The following OXR1 variants were observed in gnomAD, a reference collection of about 807,000 sequenced individuals.
OXR1 encodes the protein oxidation resistance 1.
In OXR1, 41 loss-of-function variants were observed where a neutral mutation model predicts 104.6. The observed-to-expected ratio is 0.39, with a 90% CI of 0.31 to 0.51. The LOEUF is 0.51. Among genes scored for constraint, OXR1 ranks in the 20% least tolerant of loss-of-function variants. OXR1 has a pLI of 0.77. For missense variants in OXR1, 955 were observed against 1,031.9 expected (o/e 0.93, Z 1.02); for synonymous variants, 348 against 348.4 (o/e 1.00, Z 0.01).
At chr8:106,454,675 T>C (rs1412593068) in intron 2 of OXR1, among the ~76,000 whole-genome samples, 1 of 152,090 alleles carries the variant, frequency 6.6e-6, no homozygotes, top group Non-Finnish European at 1.5e-5. Flanking sequence ...ATTGATGATA[T>C]TAATTGTCTT....
At chr8:106,391,815 A>T (rs1817596696) in intron 2 of OXR1, among the ~76,000 whole-genome samples, 1 of 152,152 alleles carries the variant, frequency 6.6e-6, no homozygotes, top group African/African-American at 2.4e-5. Flanking sequence ...AACATTTAAA[A>T]TATGGAAAAT....
At chr8:106,680,452 C>A (rs557502826) in intron 4 of OXR1, among the ~76,000 whole-genome samples, 40 of 152,168 alleles carry the variant, frequency 2.6e-4, no homozygotes, top group African/African-American at 9.6e-4. Context: ...TAGAAAAATT[C>A]TTGGTAATTA....
At chr8:106,420,204 G>A (rs1482612839) in intron 2 of OXR1, among the ~76,000 whole-genome samples, 2 of 152,040 alleles carry the variant, frequency 1.3e-5, no homozygotes, top group Non-Finnish European at 2.9e-5. Context: ...GAAAGTTATA[G>A]CATTTGTTAA....
intron 2 of OXR1, among the ~76,000 whole-genome samples, chr8:106,411,975 C>T (rs1265225904): frequency 6.6e-6 from 1 of 152,154 alleles, no homozygotes; most frequent in Non-Finnish European, 1.5e-5. Flanking sequence ...TTTTAATTTT[C>T]TTATCCCCAG....
At chr8:106,307,564 T>C (rs1813516329) in intron 1 of OXR1, among the ~76,000 whole-genome samples, 1 of 148,904 alleles carries the variant, frequency 6.7e-6, no homozygotes, top group Non-Finnish European at 1.5e-5. Flanking sequence ...TTTTTGTCCT[T>C]TTTTTTTTGT....
Position 106,290,832 on chromosome 8 carries a change from T to G in OXR1, c.-139+20465T>G, listed in dbSNP as rs182176293. On this transcript the variant is annotated intron_variant, in intron 1 of 16. Transcript: ENST00000517566. ...GGCTGCAGAGAAAAGGGAATGCTTA[T>G]ACATTGTTGGTGGGAATGTAAATTA... is the stretch of plus-strand genomic sequence containing the variant. Among the ~76,000 whole-genome samples the G allele has an allele frequency of 2.0e-3, 312 of 152,314 alleles. 4 individuals are homozygous for G. The highest frequency in any genetic ancestry group is 3.9e-3 in the South Asian group (19 of 4,828).
At chr8:106,707,178 T>C (rs774714849) in intron 9 of OXR1, 33 bp downstream of exon 9, 8 of 1,593,016 alleles carry the variant, frequency 5.0e-6, no homozygotes, top group Non-Finnish European at 6.9e-6. Context: ...AGTTAGTTCA[T>C]CCAATTGTAT....
At position 106,745,998 on chromosome 8, in the gene OXR1, A is replaced by G. The variant is rs1052188737; in HGVS notation, c.2486+136A>G. On this transcript the variant is annotated intron_variant, in intron 16 of 16. Transcript: ENST00000517566. ...TTGTATATTATGAAAAAGAGAGTAT[A>G]ATGTATTTGCAAGAAGTAGCTCAAG... 1.8e-5 allele frequency: 10 copies of G among 558,254 alleles called. No homozygotes were observed. In the East Asian group the frequency reaches 2.6e-4, roughly 15 times the overall value. The allele number at this position is 558,254 out of a possible 1,614,324, so 34.6% of individuals were successfully genotyped here. A position where few individuals can be genotyped will look rare whatever the true frequency, so the allele number is the denominator to read the frequency against.
chr8:106,270,178 A>G (rs867555184), upstream of OXR1: 2 of 152,186 alleles, frequency 1.3e-5, no homozygotes, highest in Non-Finnish European at 2.9e-5. Flanking sequence ...GAAACTGAGC[A>G]TGTCTGCAAG....
intron 7 of OXR1, among the ~76,000 whole-genome samples, chr8:106,699,270 G>T (rs935498522): frequency 6.6e-6 from 1 of 152,064 alleles, no homozygotes; most frequent in Non-Finnish European, 1.5e-5. Flanking sequence ...TCTTCTTATC[G>T]TTGGATAGCT....
chr8:106,706,247 A>G, intron 8 of OXR1, 135 bp from the exon 9 acceptor site: 2 of 546,638 alleles, frequency 3.7e-6, no homozygotes, highest in Admixed American at 8.2e-5. Flanking sequence ...CAGATTTTTT[A>G]TATTCTTTGG....
chr8:106,715,151 G>A (rs1177509040), intron 11 of OXR1, among the ~76,000 whole-genome samples: 2 of 151,912 alleles, frequency 1.3e-5, no homozygotes, highest in Admixed American at 1.3e-4. Flanking sequence ...ACTGGTACAG[G>A]CAATGACATG....
intron 2 of OXR1, among the ~76,000 whole-genome samples, chr8:106,414,032 A>G (rs76005653): frequency 0.013 from 2,048 of 152,126 alleles, 40 homozygotes; most frequent in African/African-American, 0.045. Flanking sequence ...GCAGACTGCT[A>G]TATCTTCTTT....
At chr8:106,496,852 G>C (rs751366900) in intron 2 of OXR1, among the ~76,000 whole-genome samples, 1 of 152,200 alleles carries the variant, frequency 6.6e-6, no homozygotes, top group East Asian at 1.9e-4. Flanking sequence ...TGAAGGATCA[G>C]CTGAGACAGT....
chr8:106,328,781 C>T (rs1384986367), intron 1 of OXR1, among the ~76,000 whole-genome samples: 1 of 152,218 alleles, frequency 6.6e-6, no homozygotes, highest in African/African-American at 2.4e-5. Flanking sequence ...TTTAATGAGT[C>T]TCAGAGATAC....
intron 1 of OXR1, among the ~76,000 whole-genome samples, chr8:106,322,524 A>G (rs953436017): frequency 1.1e-4 from 16 of 152,290 alleles, no homozygotes; most frequent in South Asian, 2.1e-4. Context: ...CAGTATTGGA[A>G]GTCCTAACCA....
At chr8:106,308,265 G>A (rs188031800) in intron 1 of OXR1, among the ~76,000 whole-genome samples, 2 of 152,252 alleles carry the variant, frequency 1.3e-5, no homozygotes, top group African/African-American at 4.8e-5. Context: ...ATCTCAAGGA[G>A]ACAGCAAATT....
intron 6 of OXR1, among the ~76,000 whole-genome samples, chr8:106,689,301 A>G (rs1250457087): frequency 2.6e-5 from 4 of 151,918 alleles, no homozygotes; most frequent in African/African-American, 9.7e-5. Flanking sequence ...GTGGCCATCT[A>G]CTTCCTGTAT....
At chr8:106,318,879 A>G (rs974267190) in intron 1 of OXR1, among the ~76,000 whole-genome samples, 4 of 152,332 alleles carry the variant, frequency 2.6e-5, no homozygotes, top group African/African-American at 9.6e-5. Flanking sequence ...TCATAGGTCT[A>G]TCTCCAGATG....
Sources: allele counts gnomAD v4.1 joint callset (sites outside exome capture counted in the v4.1 genomes callset), GRCh38; gene constraint gnomAD v4.1.1; transcripts MANE v1.5; gene names NCBI Gene and HGNC (gene_info 2026-07-23, HGNC 2026-07-21).